The following FAAH2 variants were observed in gnomAD, a reference collection of about 807,000 sequenced individuals.
The protein encoded by FAAH2 is fatty-acid amide hydrolase 2.
In FAAH2, 60 loss-of-function variants were observed where a neutral mutation model predicts 36.9. That is an observed-to-expected ratio of 1.63 (90% CI 1.32 to 2.02). The LOEUF (loss-of-function observed/expected upper bound fraction) is 2.02, where lower values mean the gene tolerates loss of function less well. FAAH2 is among the 30% of genes most tolerant of loss of function. The pLI is 0.00. For synonymous variants in FAAH2, 214 were observed against 143.8 expected (o/e 1.49, Z -3.49); for missense variants, 689 against 397.5 (o/e 1.73, Z -6.23).
At chrX:57,381,350 A>G (rs2147225079) in intron 7 of FAAH2, among the ~76,000 whole-genome samples, 1 of 110,681 alleles carries the variant, frequency 9.0e-6, no homozygotes, top group Admixed American at 9.6e-5. Context: ...AATTTTAGGT[A>G]ATAGAGACAA....
intron 8 of FAAH2, among the ~76,000 whole-genome samples, chrX:57,445,550 T>A (rs1214377105): frequency 8.9e-6 from 1 of 111,782 alleles, no homozygotes; most frequent in Non-Finnish European, 1.9e-5. Context: ...TTGGGAATCC[T>A]CCTGGTACTG....
chrX:57,139,949 A>T, the FAAH2 span, among the ~76,000 whole-genome samples: 5 of 112,155 alleles, frequency 4.5e-5, no homozygotes, highest in South Asian at 1.8e-3. Context: ...GATAACTTGG[A>T]GTAGTATGGA....
At chrX:57,290,179 C>A in intron 1 of FAAH2, 1 of 614,494 alleles carries the variant, frequency 1.6e-6, no homozygotes, top group Non-Finnish European at 1.9e-6. Context: ...GTCATGTTAA[C>A]TTCTACCTCT....
At chrX:57,477,153 C>G (rs189154728) in intron 10 of FAAH2, among the ~76,000 whole-genome samples, 1 of 110,126 alleles carries the variant, frequency 9.1e-6, no homozygotes, top group South Asian at 3.8e-4. Context: ...AAAACCTGTT[C>G]CTGGAGTCAT....
At chrX:57,204,152 T>A in the FAAH2 span, among the ~76,000 whole-genome samples, 3 of 111,340 alleles carry the variant, frequency 2.7e-5, no homozygotes, top group South Asian at 3.9e-4. Flanking sequence ...CACCTCTGCC[T>A]GTTCTGCAAT....
At chrX:57,408,373 T>C (rs1326131856) in intron 7 of FAAH2, among the ~76,000 whole-genome samples, 1 of 110,914 alleles carries the variant, frequency 9.0e-6, no homozygotes, top group African/African-American at 3.3e-5. Flanking sequence ...TTTCTCCTCT[T>C]GGTTGAACTT....
intron 8 of FAAH2, among the ~76,000 whole-genome samples, chrX:57,445,210 C>A: frequency 9.0e-6 from 1 of 111,592 alleles, no homozygotes; most frequent in Non-Finnish European, 1.9e-5. Context: ...CAGTAGGTGG[C>A]GTCTTAAGCT....
chrX:57,267,093 C>A, the FAAH2 span, among the ~76,000 whole-genome samples: 2 of 112,202 alleles, frequency 1.8e-5, no homozygotes, highest in Non-Finnish European at 3.8e-5. Context: ...ACCAGTGGAC[C>A]ATGCCTGTCC....
chrX:57,373,389 C>CT (rs146496588), intron 5 of FAAH2, among the ~76,000 whole-genome samples: 54,500 of 101,502 alleles, frequency 0.54, 13,566 homozygotes, highest in Non-Finnish European at 0.74. Flanking sequence ...ATGCCAACAT[C>CT]TTTTTTTTTT....
the FAAH2 span, among the ~76,000 whole-genome samples, chrX:57,234,013 A>C: frequency 8.9e-6 from 1 of 112,906 alleles, no homozygotes; most frequent in Non-Finnish European, 1.9e-5. Context: ...GTAAATACAA[A>C]ACATGCATTT....
the FAAH2 span, among the ~76,000 whole-genome samples, chrX:57,150,685 G>A: frequency 8.9e-6 from 1 of 112,092 alleles, no homozygotes; most frequent in East Asian, 2.8e-4. Context: ...CGTGAATACA[G>A]CACACTGATG....
intron 4 of FAAH2, among the ~76,000 whole-genome samples, chrX:57,334,854 T>C (rs1400446191): frequency 9.0e-6 from 1 of 111,126 alleles, no homozygotes; most frequent in African/African-American, 3.3e-5. Flanking sequence ...GGAGAATAAA[T>C]GGAAACATTT....
chrX:57,418,319 C>T (rs920879320), intron 7 of FAAH2, among the ~76,000 whole-genome samples: 1 of 111,890 alleles, frequency 8.9e-6, no homozygotes, highest in African/African-American at 3.2e-5. Flanking sequence ...GCCCAAACTG[C>T]TGCCCAGTGT....
chrX:57,384,871 G>C (rs1345479896), intron 7 of FAAH2, among the ~76,000 whole-genome samples: 2 of 110,998 alleles, frequency 1.8e-5, no homozygotes, highest in African/African-American at 6.5e-5. Flanking sequence ...CAAAGACTTG[G>C]AACCAACCCA....
intron 10 of FAAH2, among the ~76,000 whole-genome samples, chrX:57,469,074 G>C (rs2057107137): frequency 8.9e-6 from 1 of 111,783 alleles, no homozygotes; most frequent in Admixed American, 9.5e-5. Context: ...TACTAGGCCT[G>C]ACCTACAAGA....
At chrX:57,330,110 A>G (rs1401964195) in intron 3 of FAAH2, among the ~76,000 whole-genome samples, 2 of 111,864 alleles carry the variant, frequency 1.8e-5, no homozygotes, top group African/African-American at 6.5e-5. Flanking sequence ...GAACAAGATA[A>G]CAGCAACTGT....
At chrX:57,350,665 G>A (rs946941456) in intron 5 of FAAH2, among the ~76,000 whole-genome samples, 1 of 110,748 alleles carries the variant, frequency 9.0e-6, no homozygotes, top group Non-Finnish European at 1.9e-5. Flanking sequence ...TAGAAAAAAT[G>A]GTCCTTCCAA....
At position 57,423,901 on chromosome X, in the gene FAAH2, C is replaced by T. The variant is rs186675772; in HGVS notation, c.997-8017C>T. ...AGCTCAAGCTTGAACCCCACAGCCA[C>T]GACCACAGCTGGCTCTCACCTGAAA... is the stretch of plus-strand genomic sequence containing the variant. On this transcript the variant is annotated intron_variant, in intron 7 of 10. Coordinates refer to ENST00000374900, the MANE Select transcript of FAAH2 (RefSeq NM_174912.4). 3.1e-3 allele frequency among the ~76,000 whole-genome samples: 350 copies of T among 111,787 alleles called. 2 individuals carry two copies. Among genetic ancestry groups the T allele is most frequent in the Admixed American group, 4.7e-3 (50 of 10,534 alleles).
At chrX:57,375,645 C>A (rs1411107478) in intron 5 of FAAH2, among the ~76,000 whole-genome samples, 1 of 110,713 alleles carries the variant, frequency 9.0e-6, no homozygotes, top group African/African-American at 3.3e-5. Context: ...GTTGTAATAT[C>A]ATAGACAATG....
Sources: allele counts gnomAD v4.1 joint callset (sites outside exome capture counted in the v4.1 genomes callset), GRCh38; gene constraint gnomAD v4.1.1; transcripts MANE v1.5; gene names NCBI Gene and HGNC (gene_info 2026-07-23, HGNC 2026-07-21).